MICU1: variants seen among roughly 807,000 people sequenced by gnomAD.
The protein encoded by MICU1 is mitochondrial calcium uptake 1, also known as calcium uptake protein 1, mitochondrial.
Under a neutral mutation model 56.8 loss-of-function variants are expected in MICU1, and 45 were observed. The observed-to-expected ratio is 0.79, with a 90% confidence interval of 0.62 to 1.02. MICU1 has a LOEUF of 1.02. Ranked by LOEUF, MICU1 falls within the 50% of genes least tolerant of loss-of-function variation. MICU1 has a pLI of 0.00. For missense variants in MICU1, 504 were observed against 587.1 expected, an observed-to-expected ratio of 0.86 and a Z score of 1.46; for synonymous variants, 186 against 195.1, an observed-to-expected ratio of 0.95 and a Z score of 0.39.
chr10:72,511,753 G>A (rs1302617409), intron 5 of MICU1, among the ~76,000 whole-genome samples: 5 of 152,090 alleles, frequency 3.3e-5, no homozygotes, highest in African/African-American at 7.2e-5. Context: ...TAACATAAAC[G>A]CACAATGCTT....
At chr10:72,491,558 T>C (rs149221354) in intron 6 of MICU1, among the ~76,000 whole-genome samples, 218 of 152,316 alleles carry the variant, frequency 1.4e-3, no homozygotes, top group Middle Eastern at 0.014. Flanking sequence ...AGAGAGTTAA[T>C]GTAACTTGGG....
intron 5 of MICU1, among the ~76,000 whole-genome samples, chr10:72,519,601 A>G (rs1460210881): frequency 2.0e-5 from 3 of 152,156 alleles, no homozygotes; most frequent in African/African-American, 7.2e-5. Context: ...TATAAAATAC[A>G]TGGTTAAAGT....
rs370690933 is a variant in MICU1, at chr10:72,518,626, T to G, written c.538-10357A>C. 2.8e-4 allele frequency among the ~76,000 whole-genome samples: 43 copies of G among 152,330 alleles called. 2 individuals are homozygous for G. The East Asian group carries it at 7.5e-3, about 27-fold the overall frequency. ...TTGTTTCATCTTCAAGTTCCTGAGG[T>G]AAGACTCTACCAATCCTTCAGTATA... is the stretch of plus-strand genomic sequence containing the variant. On this transcript the variant is annotated intron_variant, in intron 5 of 11. Transcript: ENST00000361114.
chr10:72,450,353 G>C (rs1589232155), intron 8 of MICU1, among the ~76,000 whole-genome samples: 1 of 151,902 alleles, frequency 6.6e-6, no homozygotes, highest in South Asian at 2.1e-4. Flanking sequence ...TCTTAGTTAA[G>C]AGTGATTGAT....
rs530448814 is a variant in MICU1 at position 72,517,759 on chromosome 10, C to G, written c.538-9490G>C. Reference sequence around the variant, plus strand: ...CATGGAACCAAATACCACCTGTTCCCCAAAAACCTATGGAAATAAAACTTT... The same window carrying G: ...CATGGAACCAAATACCACCTGTTCCGCAAAAACCTATGGAAATAAAACTTT... On this transcript the variant is annotated intron_variant, in intron 5 of 11. Coordinates refer to ENST00000361114, the MANE Select transcript of MICU1 (RefSeq NM_001195518.2). Among the ~76,000 whole-genome samples the G allele has an allele frequency of 1.2e-3, 186 of 149,186 alleles. 1 individual carries two copies. Among genetic ancestry groups the G allele is most frequent in the African/African-American group, 4.1e-3 (167 of 40,520 alleles).
chr10:72,533,058 C>A (rs1011499429), intron 5 of MICU1: 3 of 1,289,658 alleles, frequency 2.3e-6, no homozygotes, highest in Non-Finnish European at 3.0e-6. Flanking sequence ...TAGAACCATG[C>A]CTGGTTCTTT....
chr10:72,528,408 T>C (rs1021357564), intron 5 of MICU1, among the ~76,000 whole-genome samples: 8 of 152,296 alleles, frequency 5.3e-5, no homozygotes, highest in Admixed American at 5.2e-4. Context: ...GAAAGACTAA[T>C]AAAATTATAT....
chr10:72,448,121 A>ACG (rs1865164615), intron 8 of MICU1, among the ~76,000 whole-genome samples: 1 of 121,786 alleles, frequency 8.2e-6, no homozygotes, highest in East Asian at 2.3e-4. Flanking sequence ...GTTTATATAT[A>ACG]TGTGTGTGTG....
intron 8 of MICU1, among the ~76,000 whole-genome samples, chr10:72,435,932 G>A (rs936951189): frequency 1.5e-4 from 23 of 152,366 alleles, no homozygotes; most frequent in Non-Finnish European, 2.4e-4. Context: ...AAGGCCTACT[G>A]CCTCTAGACT....
rs139368097 is a variant in MICU1 at position 72,441,667 on chromosome 10, A to G, written c.934-18296T>C. Among the ~76,000 whole-genome samples, 476 of 118,676 alleles carry G rather than the reference A, an allele frequency of 4.0e-3. 4 individuals carry two copies. Among genetic ancestry groups the G allele is most frequent in the African/African-American group, 0.015 (449 of 30,964 alleles). The allele number at this position is 118,676 out of a possible 152,430, so 77.9% of individuals were successfully genotyped here. ...AACCTCACTCTGTTGCCCAGGCTGG[A>G]GTGCAGTGGTACGATCTAGGCTCAC... On this transcript the variant is annotated intron_variant, in intron 8 of 11. Coordinates refer to ENST00000361114, the MANE Select transcript of MICU1 (RefSeq NM_001195518.2).
Position 72,566,741 on chromosome 10 carries a change from C to T in MICU1, c.53G>A (p.Arg18Gln), listed in dbSNP as rs374389338. The change falls in exon 2 of 12, where the codon CGA becomes CAA. Residue 18 changes from arginine (R) to glutamine (Q), a missense_variant. Transcript: ENST00000361114. ...GGGCTGTGATCCTCCATGGTACCAT[C>T]GAGAACCCACAGCCAGTTCTGCCAA... ...SALAELAVGS[R>Q]WYHGGSQPIQ... 1.3e-5 allele frequency: 21 copies of T among 1,612,488 alleles called. No homozygotes were observed. The highest frequency in any genetic ancestry group is 1.5e-5 in the Non-Finnish European group (18 of 1,179,316).
At position 72,438,585 on chromosome 10, in the gene MICU1, T is replaced by C. The variant is rs189474788; in HGVS notation, c.934-15214A>G. The stretch of plus-strand genomic sequence containing the variant: ...GAAAGAGATAGAGACACAAAAACCC[T>C]TCAAAAAAAATCAATGAATCCAGGA... On this transcript the variant is annotated intron_variant, in intron 8 of 11. Transcript: ENST00000361114. Among the ~76,000 whole-genome samples, 25 of 151,908 alleles carry C rather than the reference T, an allele frequency of 1.6e-4. 1 individual carries two copies. In the East Asian group the frequency reaches 4.6e-3, roughly 28 times the overall value.
intron 8 of MICU1, among the ~76,000 whole-genome samples, chr10:72,427,209 T>C (rs532792758): frequency 4.6e-5 from 7 of 152,310 alleles, no homozygotes; most frequent in African/African-American, 1.4e-4. Context: ...TGTTTCCCTG[T>C]TGTTCCCCAG....
intron 5 of MICU1, among the ~76,000 whole-genome samples, chr10:72,521,602 G>C (rs929900272): frequency 6.6e-6 from 1 of 152,036 alleles, no homozygotes; most frequent in Non-Finnish European, 1.5e-5. Context: ...CAGGGTTAGA[G>C]AAGTCACATA....
At chr10:72,496,049 C>T (rs1023869118) in intron 6 of MICU1, among the ~76,000 whole-genome samples, 11 of 151,996 alleles carry the variant, frequency 7.2e-5, no homozygotes, top group African/African-American at 2.7e-4. Flanking sequence ...TCACTGCAAC[C>T]TCTGTCTCCT....
intron 1 of MICU1, among the ~76,000 whole-genome samples, chr10:72,581,361 G>A (rs1840893193): frequency 6.6e-6 from 1 of 152,196 alleles, no homozygotes; most frequent in Non-Finnish European, 1.5e-5. Flanking sequence ...CAGGCACAAT[G>A]GCTCACACCT....
chr10:72,489,323 C>CACA (rs56105505), intron 6 of MICU1, among the ~76,000 whole-genome samples: 2 of 116,240 alleles, frequency 1.7e-5, no homozygotes. Flanking sequence ...CACACACACA[C>CACA]AAAAATAAAA....
At chr10:72,607,169 T>TG (rs1352402697) in intron 1 of MICU1, among the ~76,000 whole-genome samples, 1 of 151,882 alleles carries the variant, frequency 6.6e-6, no homozygotes, top group Non-Finnish European at 1.5e-5. Context: ...GGTGAAACCC[T>TG]GTCTCTTCTA....
intron 6 of MICU1, among the ~76,000 whole-genome samples, chr10:72,500,300 A>ATTTTTTTTTT (rs1867020317): frequency 1.7e-4 from 1 of 6,052 alleles, no homozygotes; most frequent in Admixed American, 3.1e-3. Context: ...ATATATATAT[A>ATTTTTTTTTT]TATTTTTTTT....
Sources: allele counts gnomAD v4.1 joint callset (sites outside exome capture counted in the v4.1 genomes callset), GRCh38; gene constraint gnomAD v4.1.1; transcripts MANE v1.5; gene names NCBI Gene and HGNC (gene_info 2026-07-23, HGNC 2026-07-21).